The following CYP19A1 variants were observed in gnomAD, a reference collection of about 807,000 sequenced individuals.
The protein encoded by CYP19A1 is cytochrome P450 family 19 subfamily A member 1.
CYP19A1 carries 32 observed loss-of-function variants against 44.4 expected under a neutral mutation model. That is an observed-to-expected ratio of 0.72 (90% CI 0.54 to 0.97). CYP19A1 has a LOEUF of 0.97. Ranked by LOEUF, CYP19A1 falls within the 50% of genes least tolerant of loss-of-function variation. CYP19A1 has a pLI of 0.00. For missense variants in CYP19A1, 598 were observed against 637.8 expected (o/e 0.94, Z 0.67); for synonymous variants, 212 against 215.6 (o/e 0.98, Z 0.14).
chr15:51,289,052 T>C (rs904004562), intron 1 of CYP19A1, among the ~76,000 whole-genome samples: 1 of 152,176 alleles, frequency 6.6e-6, no homozygotes, highest in African/African-American at 2.4e-5. Flanking sequence ...CGGTCATTGC[T>C]ACAGAACTAG....
chr15:51,236,999 G>A lies in CYP19A1; in HGVS notation c.156C>T (p.Tyr52=), dbSNP rs892434699. The A allele has an allele frequency of 6.2e-7, 1 of 1,614,060 alleles. No homozygotes were observed. The highest frequency in any genetic ancestry group is 1.3e-5 in the African/African-American group (1 of 74,926). ...AGATGAGGGGTCCAATTCCCATGCA[G>A]TAGCCAGGACCTAGGACAGGTGTCA... ...EGTSSIPGPG[Y]CMGIGPLISH... is the part of the protein sequence containing the mutation. The change falls in exon 3 of 10, where the codon TAC becomes TAT. Residue 52 remains tyrosine (Y), a synonymous_variant. Coordinates refer to ENST00000396402, the MANE Select transcript of CYP19A1 (RefSeq NM_000103.4).
chr15:51,240,498 G>A (rs1170458909), intron 2 of CYP19A1, among the ~76,000 whole-genome samples: 5 of 152,110 alleles, frequency 3.3e-5, no homozygotes, highest in Admixed American at 1.3e-4. Flanking sequence ...CTGACTCTGT[G>A]CTTCCCCTAA....
intron 1 of CYP19A1, among the ~76,000 whole-genome samples, chr15:51,287,395 G>A (rs1205361125): frequency 6.6e-6 from 1 of 152,170 alleles, no homozygotes; most frequent in East Asian, 1.9e-4. Flanking sequence ...ATATCAGGCA[G>A]GTCTGCTTGG....
At chr15:51,243,813 T>C (rs922871698) in intron 1 of CYP19A1, among the ~76,000 whole-genome samples, 2 of 152,240 alleles carry the variant, frequency 1.3e-5, no homozygotes, top group Non-Finnish European at 2.9e-5. Flanking sequence ...GTGCTGGTTC[T>C]GCTGTGTTTT....
intron 1 of CYP19A1, among the ~76,000 whole-genome samples, chr15:51,267,942 C>G (rs74444382): frequency 3.9e-5 from 6 of 152,218 alleles, no homozygotes; most frequent in Non-Finnish European, 8.8e-5. Context: ...GCCTTCGCCC[C>G]TCCCCACCCT....
chr15:51,318,050 C>A (rs1250816772), intron 1 of CYP19A1, among the ~76,000 whole-genome samples: 2 of 152,140 alleles, frequency 1.3e-5, no homozygotes, highest in Non-Finnish European at 2.9e-5. Flanking sequence ...GGATCTGGAC[C>A]TATCCTTAAC....
At chr15:51,238,703 G>A (rs1385347276) in intron 2 of CYP19A1, among the ~76,000 whole-genome samples, 1 of 152,186 alleles carries the variant, frequency 6.6e-6, no homozygotes, top group African/African-American at 2.4e-5. Context: ...AATGTAAGCT[G>A]TGACGCAGGA....
chr15:51,273,702 G>A (rs1032121198), intron 1 of CYP19A1, among the ~76,000 whole-genome samples: 3 of 151,916 alleles, frequency 2.0e-5, no homozygotes, highest in Non-Finnish European at 4.4e-5. Context: ...GAGTAAGAAT[G>A]CTATGCTTTT....
At chr15:51,217,029 G>A (rs2031641510) in intron 6 of CYP19A1, among the ~76,000 whole-genome samples, 2 of 152,148 alleles carry the variant, frequency 1.3e-5, no homozygotes, top group African/African-American at 4.8e-5. Flanking sequence ...TAATTGACAT[G>A]TTCACCTATA....
At chr15:51,270,221 A>C (rs2035074241) in intron 1 of CYP19A1, among the ~76,000 whole-genome samples, 1 of 151,138 alleles carries the variant, frequency 6.6e-6, no homozygotes, top group South Asian at 2.1e-4. Context: ...AATTGTTTTA[A>C]ATTTTTTATG....
chr15:51,236,078 A>T (rs1480629546), intron 3 of CYP19A1, among the ~76,000 whole-genome samples: 1 of 152,238 alleles, frequency 6.6e-6, no homozygotes, highest in Non-Finnish European at 1.5e-5. Flanking sequence ...TCAATCTGCT[A>T]GTTATCCACA....
chr15:51,320,795 G>A (rs1221293252), intron 1 of CYP19A1, among the ~76,000 whole-genome samples: 1 of 152,182 alleles, frequency 6.6e-6, no homozygotes, highest in Non-Finnish European at 1.5e-5. Flanking sequence ...ATTAAAAAGA[G>A]AAACAGGTGA....
At chr15:51,254,431 T>C (rs1460477696) in intron 1 of CYP19A1, among the ~76,000 whole-genome samples, 1 of 152,200 alleles carries the variant, frequency 6.6e-6, no homozygotes, top group African/African-American at 2.4e-5. Context: ...TGTATGTGAC[T>C]TTTTACTTCT....
intron 1 of CYP19A1, among the ~76,000 whole-genome samples, chr15:51,273,174 C>A (rs564861069): frequency 2.7e-4 from 41 of 152,228 alleles, no homozygotes; most frequent in Non-Finnish European, 5.6e-4. Flanking sequence ...TGGTCTCGAA[C>A]TCTGGACCTC....
intron 1 of CYP19A1, among the ~76,000 whole-genome samples, chr15:51,280,363 G>T (rs1475528662): frequency 6.6e-6 from 1 of 151,334 alleles, no homozygotes; most frequent in African/African-American, 2.4e-5. Context: ...CTCCCAAAGG[G>T]CTGGGATTAC....
intron 1 of CYP19A1, among the ~76,000 whole-genome samples, chr15:51,259,636 A>G (rs1278030176): frequency 6.6e-6 from 1 of 152,254 alleles, no homozygotes; most frequent in Non-Finnish European, 1.5e-5. Context: ...TCTAAATGCA[A>G]ACGGTAAACC....
chr15:51,324,196 C>T (rs1348834417), intron 1 of CYP19A1, among the ~76,000 whole-genome samples: 2 of 152,146 alleles, frequency 1.3e-5, no homozygotes, highest in African/African-American at 2.4e-5. Flanking sequence ...TCAGAAGACA[C>T]CCCACCAGCC....
intron 1 of CYP19A1, among the ~76,000 whole-genome samples, chr15:51,325,946 G>T (rs111820577): frequency 6.6e-6 from 1 of 150,972 alleles, no homozygotes; most frequent in Non-Finnish European, 1.5e-5. Flanking sequence ...TTACATTAGC[G>T]TACAATTAGG....
At chr15:51,271,730 CTG>C (rs560695996) in intron 1 of CYP19A1, among the ~76,000 whole-genome samples, 225 of 152,354 alleles carry the variant, frequency 1.5e-3, no homozygotes, top group African/African-American at 5.0e-3. Context: ...GCTGTATCCT[CTG>C]TGGCTACTGC....
Sources: allele counts gnomAD v4.1 joint callset (sites outside exome capture counted in the v4.1 genomes callset), GRCh38; gene constraint gnomAD v4.1.1; transcripts MANE v1.5; gene names NCBI Gene and HGNC (gene_info 2026-07-23, HGNC 2026-07-21).